Variants in TENM4 observed in about 807,000 individuals in gnomAD.
TENM4 encodes the protein teneurin-4.
A neutral mutation model predicts 243.3 loss-of-function variants in TENM4; 82 were observed. The ratio of observed to expected loss-of-function variants is 0.34; its 90% CI spans 0.28 to 0.40. The LOEUF is 0.40. Ranked by LOEUF, TENM4 falls within the 10% of genes least tolerant of loss-of-function variation. TENM4 has a pLI of 1.00. For missense variants in TENM4, 3,138 were observed against 3,673.3 expected (o/e 0.85, Z 3.77); for synonymous variants, 1,412 against 1,456.3 (o/e 0.97, Z 0.69).
Position 78,903,293 on chromosome 11 carries a change from T to G in TENM4, c.724A>C (p.Asn242His). Residue 242 changes from asparagine (N) to histidine (H), a missense_variant, in exon 7 of 34, where the codon AAC becomes CAC. By Grantham distance (68) the Asn-to-His change is moderately conservative. Transcript: ENST00000278550. Reference sequence around the variant, plus strand: ...CTGGTCTCCAGGGGGATGTTGCTGTTGAGCAGCCAGTTCTCCTGGGCGTGG... The same window carrying G: ...CTGGTCTCCAGGGGGATGTTGCTGTGGAGCAGCCAGTTCTCCTGGGCGTGG... The part of the protein sequence containing the change: ...PAHAQENWLL[N>H]SNIPLETRNL... 1 of 1,489,338 alleles carries G rather than the reference T, an allele frequency of 6.7e-7. No homozygotes were observed. The highest frequency in any genetic ancestry group is 8.9e-7 in the Non-Finnish European group (1 of 1,123,340). 92.3% of individuals were successfully genotyped at this position (1,489,338 alleles called of 1,614,324 possible). A position where few individuals can be genotyped will look rare whatever the true frequency, so the allele number is the denominator to read the frequency against.
chr11:78,844,748 G>A (rs1398031008), intron 12 of TENM4, among the ~76,000 whole-genome samples: 1 of 152,110 alleles, frequency 6.6e-6, no homozygotes, highest in Admixed American at 6.5e-5. Flanking sequence ...ACTGTTGCCA[G>A]CCTGGAAGAG....
intron 4 of TENM4, among the ~76,000 whole-genome samples, chr11:79,135,595 C>A (rs961103861): frequency 1.7e-4 from 26 of 150,688 alleles, no homozygotes; most frequent in Admixed American, 1.1e-3. Flanking sequence ...ATTGTAGAAC[C>A]AGCCCAAATG....
chr11:79,101,983 G>A (rs1265380898), intron 4 of TENM4, among the ~76,000 whole-genome samples: 2 of 152,192 alleles, frequency 1.3e-5, no homozygotes, highest in Admixed American at 1.3e-4. Context: ...GATCGTGTGA[G>A]TTTGAGTCCT....
At chr11:79,229,942 T>C (rs1035672301) in intron 2 of TENM4, among the ~76,000 whole-genome samples, 2 of 151,962 alleles carry the variant, frequency 1.3e-5, no homozygotes, top group African/African-American at 4.8e-5. Context: ...TCCTCCTGCC[T>C]TAGCCTCCCA....
At chr11:78,708,965 CTTTCT>C (rs749165285) in intron 26 of TENM4, among the ~76,000 whole-genome samples, 17,960 of 132,718 alleles carry the variant, frequency 0.14, 1,326 homozygotes, top group Middle Eastern at 0.18. Flanking sequence ...CTTTCTTTTT[CTTTCT>C]TTTTTTTTTT....
At chr11:78,944,008 T>C (rs1196850863) in intron 6 of TENM4, among the ~76,000 whole-genome samples, 1 of 152,216 alleles carries the variant, frequency 6.6e-6, no homozygotes, top group African/African-American at 2.4e-5. Context: ...ACTCATACTT[T>C]CACATGCCTT....
At chr11:79,194,408 G>C (rs1234944100) in intron 3 of TENM4, among the ~76,000 whole-genome samples, 1 of 152,084 alleles carries the variant, frequency 6.6e-6, no homozygotes, top group African/African-American at 2.4e-5. Flanking sequence ...AAGAAGATAG[G>C]AAAATGTGGG....
chr11:78,705,748 G>C (rs1565341443), intron 27 of TENM4, among the ~76,000 whole-genome samples: 1 of 152,224 alleles, frequency 6.6e-6, no homozygotes, highest in Non-Finnish European at 1.5e-5. Flanking sequence ...GAGGGAGTGA[G>C]AGATTGGGGT....
chr11:79,202,305 A>G (rs1186410926), intron 3 of TENM4, among the ~76,000 whole-genome samples: 2 of 152,148 alleles, frequency 1.3e-5, no homozygotes, highest in African/African-American at 4.8e-5. Flanking sequence ...CCTCTTCCAC[A>G]TGCAGCTGTG....
intron 1 of TENM4, among the ~76,000 whole-genome samples, chr11:79,299,602 C>T (rs1273469540): frequency 1.3e-5 from 2 of 152,178 alleles, no homozygotes; most frequent in Non-Finnish European, 2.9e-5. Flanking sequence ...TTTCTAAAAC[C>T]ACATTTTGAA....
In TENM4 at chr11:78,668,960, T is replaced by A; in HGVS notation, c.7385A>T (p.Gln2462Leu). 1 of 1,613,658 alleles carries A rather than the reference T, an allele frequency of 6.2e-7. No homozygotes were observed. The highest frequency in any genetic ancestry group is 8.5e-7 in the Non-Finnish European group (1 of 1,179,612). ...ACCTGTCATGAAGCACTTGATGTCC[T>A]GGGAGTTGCTGATGGGGTTGTTGTT... ...FKNNNPISNS[Q>L]DIKCFMTDVN... The change falls in exon 32 of 34, where the codon CAG (glutamine) becomes CTG (leucine). Residue 2462 changes from glutamine to leucine, a missense_variant. Gln to Leu is a moderately radical substitution (Grantham distance 113). Around this residue, in one of 2 missense-constraint regions of TENM4, gnomAD observed 2,467 missense variants for 3,059.1 expected, o/e 0.81. Transcript: ENST00000278550.
At chr11:79,208,614 T>C (rs979816384) in intron 3 of TENM4, among the ~76,000 whole-genome samples, 4 of 152,218 alleles carry the variant, frequency 2.6e-5, no homozygotes, top group Non-Finnish European at 4.4e-5. Context: ...TTCCTAGCTG[T>C]GTGACTTAAA....
intron 14 of TENM4, among the ~76,000 whole-genome samples, chr11:78,811,530 G>C (rs1452831680): frequency 1.3e-5 from 2 of 151,826 alleles, no homozygotes; most frequent in African/African-American, 4.8e-5. Context: ...TTTTATAAAG[G>C]AGAGGCATGC....
chr11:78,787,232 CT>C, intron 15 of TENM4, 149 bp from the exon 16 acceptor site: 1 of 914,112 alleles, frequency 1.1e-6, no homozygotes. Context: ...CATACCTGGG[CT>C]TCTGTGACAG....
intron 15 of TENM4, among the ~76,000 whole-genome samples, chr11:78,802,236 A>G (rs1006121484): frequency 4.6e-5 from 7 of 152,360 alleles, no homozygotes; most frequent in African/African-American, 1.7e-4. Context: ...GGTGGTAGAA[A>G]GACATTAAGT....
At chr11:79,132,475 T>A (rs1307770181) in intron 4 of TENM4, among the ~76,000 whole-genome samples, 2 of 151,624 alleles carry the variant, frequency 1.3e-5, no homozygotes, top group African/African-American at 4.8e-5. Context: ...GGATTTAAAC[T>A]ATACCTTGGA....
intron 1 of TENM4, among the ~76,000 whole-genome samples, chr11:79,354,967 G>T (rs1307963210): frequency 1.3e-5 from 2 of 152,208 alleles, no homozygotes; most frequent in Non-Finnish European, 2.9e-5. Flanking sequence ...GAACCTGAAA[G>T]AGCTAATCCT....
chr11:78,755,710 C>T (rs948282791), intron 19 of TENM4, among the ~76,000 whole-genome samples: 2 of 152,150 alleles, frequency 1.3e-5, no homozygotes, highest in African/African-American at 4.8e-5. Flanking sequence ...AAGCGGGAGA[C>T]TCCTCTCTGC....
intron 6 of TENM4, among the ~76,000 whole-genome samples, chr11:78,964,764 T>C (rs2136546952): frequency 6.6e-6 from 1 of 152,330 alleles, no homozygotes; most frequent in East Asian, 1.9e-4. Flanking sequence ...TGGGGTACAG[T>C]GCACTTGTGG....
Sources: gnomAD v4.1 joint callset for allele counts (sites outside exome capture counted in the v4.1 genomes callset) on GRCh38, gnomAD v4.1.1 for gene constraint, gnomAD v4.1.1 regional missense constraint, MANE v1.5 for transcripts, NCBI Gene and HGNC (gene_info 2026-07-23, HGNC 2026-07-21) for gene names.